The following VPS13B variants were observed in gnomAD, a reference collection of about 807,000 sequenced individuals.
The protein encoded by VPS13B is intermembrane lipid transfer protein VPS13B.
In VPS13B, 285 loss-of-function variants were observed where a neutral mutation model predicts 426.4. That is an observed-to-expected ratio of 0.67 (90% confidence interval 0.61 to 0.74). VPS13B has a LOEUF of 0.74. Ranked by LOEUF, VPS13B falls within the 30% of genes least tolerant of loss-of-function variation. The pLI, the probability that VPS13B is intolerant of heterozygous loss-of-function variation, is 0.00. For synonymous variants in VPS13B, 1,676 were observed against 1,676.4 expected (o/e 1.00, Z 0.01); for missense variants, 4,537 against 4,782.6 (o/e 0.95, Z 1.51).
chr8:99,645,912 T>A (rs909835525), intron 34 of VPS13B, among the ~76,000 whole-genome samples: 6 of 152,146 alleles, frequency 3.9e-5, no homozygotes, highest in African/African-American at 1.4e-4. Context: ...TAACTGGTGT[T>A]TTCTGGAAGC....
intron 3 of VPS13B, among the ~76,000 whole-genome samples, chr8:99,067,890 T>C (rs1014302021): frequency 4.6e-5 from 7 of 152,242 alleles, no homozygotes; most frequent in African/African-American, 1.7e-4. Flanking sequence ...TTCGTTGTTT[T>C]GGAATTATAT....
At chr8:99,506,986 G>A in intron 27 of VPS13B, 151 bp from the exon 28 acceptor site, 2 of 777,578 alleles carry the variant, frequency 2.6e-6, no homozygotes, top group South Asian at 1.6e-5. Context: ...CGGTGCTAAT[G>A]TAAATTGTTC....
intron 2 of VPS13B, among the ~76,000 whole-genome samples, chr8:99,018,767 A>C (rs1357556929): frequency 9.8e-6 from 1 of 102,094 alleles, no homozygotes; most frequent in Non-Finnish European, 2.0e-5. Flanking sequence ...CTTTTCTATT[A>C]ATGATTTTCC....
At chr8:99,183,538 C>G (rs1813060873) in intron 16 of VPS13B, among the ~76,000 whole-genome samples, 2 of 152,034 alleles carry the variant, frequency 1.3e-5, no homozygotes, top group South Asian at 2.1e-4. Context: ...CACAGAGTGG[C>G]TTTTTAACTG....
chr8:99,383,671 T>C (rs1226073849), intron 19 of VPS13B, among the ~76,000 whole-genome samples: 1 of 152,202 alleles, frequency 6.6e-6, no homozygotes, highest in Non-Finnish European at 1.5e-5. Context: ...TTTGTCTCTA[T>C]GTTTTTGCCT....
intron 8 of VPS13B, among the ~76,000 whole-genome samples, chr8:99,130,246 G>A (rs1398611338): frequency 6.6e-6 from 1 of 152,066 alleles, no homozygotes; most frequent in Non-Finnish European, 1.5e-5. Context: ...TTAATTTCTG[G>A]TTCATATTTT....
In VPS13B at chr8:99,192,987, G is replaced by T. The variant is rs1452649119; in HGVS notation, c.2445G>T (p.Trp815Cys). The T allele has an allele frequency of 6.2e-7, 1 of 1,613,560 alleles. No individual in the cohort carries two copies. The highest frequency in any genetic ancestry group is 1.3e-5 in the African/African-American group (1 of 74,890). Residue 815 changes from tryptophan to cysteine, a missense_variant, in exon 17 of 62, where the codon TGG becomes TGT. Trp to Cys is a radical substitution (Grantham distance 215). Transcript: ENST00000357162. Reference sequence around the variant, plus strand: ...TCTTGCAAGCAATATATCAAAGTTGGTCTCATCTTGGAAATGTCAGCTCTT... The same window carrying T: ...TCTTGCAAGCAATATATCAAAGTTGTTCTCATCTTGGAAATGTCAGCTCTT... ...TLLLQAIYQS[W>C]SHLGNVSSSA...
intron 19 of VPS13B, among the ~76,000 whole-genome samples, chr8:99,322,098 T>C (rs1810014819): frequency 6.6e-6 from 1 of 152,232 alleles, no homozygotes; most frequent in South Asian, 2.1e-4. Flanking sequence ...AGTTGTATCC[T>C]TCAGACGAGC....
intron 43 of VPS13B, among the ~76,000 whole-genome samples, chr8:99,802,543 C>G (rs1255176217): frequency 6.6e-6 from 1 of 152,126 alleles, no homozygotes; most frequent in East Asian, 1.9e-4. Flanking sequence ...GCACACAAAA[C>G]ACACATGGAA....
chr8:99,315,221 C>T (rs1821255093), intron 19 of VPS13B, among the ~76,000 whole-genome samples: 1 of 152,070 alleles, frequency 6.6e-6, no homozygotes, highest in Admixed American at 6.5e-5. Flanking sequence ...CATTAAATAG[C>T]TTTATTCCTT....
At position 99,871,508 on chromosome 8, in the gene VPS13B, G is replaced by A. The variant is rs2130975423; in HGVS notation, c.11556G>A (p.Val3852=). 1 of 1,614,244 alleles carries A rather than the reference G, an allele frequency of 6.2e-7. No individual in the cohort carries two copies. Among genetic ancestry groups the A allele is most frequent in the South Asian group, 1.1e-5 (1 of 91,088 alleles). Residue 3852 remains valine, a synonymous_variant, in exon 61 of 62, where the codon GTG becomes GTA. Coordinates refer to ENST00000357162, the MANE Select transcript of VPS13B (RefSeq NM_152564.5). ...EVHMALDVVL[V]RGSGQEHEGC... ...ACATGGCCCTGGACGTGGTTCTGGT[G>A]AGGGGCTCAGGCCAGGAGCATGAAG...
At chr8:99,189,302 A>G (rs947341956) in intron 16 of VPS13B, among the ~76,000 whole-genome samples, 5 of 152,364 alleles carry the variant, frequency 3.3e-5, no homozygotes, top group African/African-American at 1.2e-4. Context: ...TTGACTATGT[A>G]TACTAGGCTG....
At chr8:99,210,762 T>C (rs1167301055) in intron 17 of VPS13B, among the ~76,000 whole-genome samples, 2 of 152,106 alleles carry the variant, frequency 1.3e-5, no homozygotes, top group African/African-American at 4.8e-5. Context: ...CCCACCAGCA[T>C]GGCCAGCTAA....
In VPS13B at chr8:99,853,708, A is replaced by G. The variant is rs780918848; in HGVS notation, c.10319A>G (p.His3440Arg). Reference protein sequence around the residue: ...DNQLYNKSNFHFAVLVCQGEK... With the variant: ...DNQLYNKSNFRFAVLVCQGEK... ...CAGCTTTATAACAAGTCCAATTTCC[A>G]CTTTGCTGTCTTAGTCTGCCAGGGA... Residue 3440 changes from histidine to arginine, a missense_variant, in exon 56 of 62, where the codon CAC (histidine) becomes CGC (arginine). His to Arg is a conservative substitution (Grantham distance 29, BLOSUM62 0). Coordinates refer to ENST00000357162, the MANE Select transcript of VPS13B (RefSeq NM_152564.5). 2 of 1,614,136 alleles carry G rather than the reference A, an allele frequency of 1.2e-6. No homozygotes were observed. The highest frequency in any genetic ancestry group is 1.7e-6 in the Non-Finnish European group (2 of 1,180,024).
At chr8:99,179,450 C>A (rs943718535) in intron 16 of VPS13B, among the ~76,000 whole-genome samples, 1 of 151,558 alleles carries the variant, frequency 6.6e-6, no homozygotes, top group Non-Finnish European at 1.5e-5. Context: ...CCTCTCTGTC[C>A]CCTCCTTCTT....
intron 54 of VPS13B, among the ~76,000 whole-genome samples, chr8:99,840,597 C>G (rs977371872): frequency 1.3e-5 from 2 of 152,234 alleles, no homozygotes; most frequent in African/African-American, 4.8e-5. Flanking sequence ...CCAGACTCCA[C>G]TCTCATCTAG....
In VPS13B at chr8:99,814,135, C is replaced by T. The variant is rs572591832; in HGVS notation, c.8098-3405C>T. 3.3e-5 allele frequency among the ~76,000 whole-genome samples: 5 copies of T among 152,150 alleles called. No individual in the cohort carries two copies. In the South Asian group the frequency reaches 1.0e-3, roughly 32 times the overall value. On this transcript the variant is annotated intron_variant, in intron 44 of 61. Coordinates refer to ENST00000357162, the MANE Select transcript of VPS13B (RefSeq NM_152564.5). ...ACCTTGGGTGACAGAGCAAGACCCCCATCTAAAAATAGTGATAATAATAAT... is the reference window on the plus strand; with the variant it reads ...ACCTTGGGTGACAGAGCAAGACCCCTATCTAAAAATAGTGATAATAATAAT...
chr8:99,302,784 C>T (rs1225690229), intron 19 of VPS13B, among the ~76,000 whole-genome samples: 1 of 151,892 alleles, frequency 6.6e-6, no homozygotes, highest in Non-Finnish European at 1.5e-5. Context: ...GCTGGGATTA[C>T]AGGCGTGAGC....
At chr8:99,661,330 T>C (rs979590006) in intron 34 of VPS13B, 24 bp from the exon 35 acceptor site, 1 of 1,613,250 alleles carries the variant, frequency 6.2e-7, no homozygotes, top group Non-Finnish European at 8.5e-7. Flanking sequence ...ACTGATGTTT[T>C]TAATTTCAAT....
Sources: allele counts gnomAD v4.1 joint callset (sites outside exome capture counted in the v4.1 genomes callset), GRCh38; gene constraint gnomAD v4.1.1; transcripts MANE v1.5; gene names NCBI Gene and HGNC (gene_info 2026-07-23, HGNC 2026-07-21).